KBTBD12: variants seen among roughly 807,000 people sequenced by gnomAD.
KBTBD12 encodes the protein kelch repeat and BTB domain containing 12, also known as kelch repeat and BTB domain-containing protein 12.
In KBTBD12, 53 loss-of-function variants were observed where a neutral mutation model predicts 58.7. The observed-to-expected ratio is 0.90, with a 90% CI of 0.72 to 1.14. The LOEUF is 1.14. KBTBD12 is among the 50% of genes most tolerant of loss of function. The pLI, the probability that KBTBD12 is intolerant of heterozygous loss-of-function variation, is 0.00. For synonymous variants in KBTBD12, 236 were observed against 259.8 expected, an observed-to-expected ratio of 0.91 and a Z score of 0.88; for missense variants, 704 against 751.3, an observed-to-expected ratio of 0.94 and a Z score of 0.74.
intron 4 of KBTBD12, among the ~76,000 whole-genome samples, chr3:127,960,264 A>G (rs1484977035): frequency 6.6e-6 from 1 of 152,140 alleles, no homozygotes; most frequent in Non-Finnish European, 1.5e-5. Context: ...CACACACAAG[A>G]AGGAGGGAGT....
In KBTBD12 at chr3:127,987,164, T is replaced by A. The variant is rs968917762; in HGVS notation, c.*2886T>A. ...CAAGGGCAGGATTTCTCAAACTTCT[T>A]CTGAGGAATCCCCGAGGTCGAAACC... On this transcript the variant is annotated 3_prime_UTR_variant, in exon 6 of 6. Transcript: ENST00000405109. 3.9e-5 allele frequency: 6 copies of A among 152,232 alleles called. No homozygotes were observed. Among genetic ancestry groups the A allele is most frequent in the African/African-American group, 1.4e-4 (6 of 41,468 alleles). The allele number at this position is 152,232 out of a possible 1,614,324, so 9.4% of individuals were successfully genotyped here. A position where few individuals can be genotyped will look rare whatever the true frequency, so the allele number is the denominator to read the frequency against.
intron 4 of KBTBD12, among the ~76,000 whole-genome samples, chr3:127,932,066 T>C (rs1422540424): frequency 6.6e-6 from 1 of 152,052 alleles, no homozygotes; most frequent in Non-Finnish European, 1.5e-5. Context: ...GATAAGCATA[T>C]AAAGAACACA....
intron 1 of KBTBD12, among the ~76,000 whole-genome samples, chr3:127,919,434 T>C (rs535116280): frequency 1.4e-4 from 22 of 152,328 alleles, no homozygotes; most frequent in African/African-American, 4.6e-4. Context: ...TTCACCATGT[T>C]GGTCAGGCTG....
chr3:127,934,962 C>T (rs1939794695), intron 4 of KBTBD12, among the ~76,000 whole-genome samples: 1 of 152,030 alleles, frequency 6.6e-6, no homozygotes, highest in Admixed American at 6.6e-5. Flanking sequence ...AACCTGTGTC[C>T]ACAGGAAGAA....
chr3:127,979,784 A>G (rs187856357), intron 5 of KBTBD12, among the ~76,000 whole-genome samples: 2 of 152,360 alleles, frequency 1.3e-5, no homozygotes, highest in East Asian at 1.9e-4. Flanking sequence ...TGCCAAGCAA[A>G]CAAAATGTAA....
chr3:127,945,148 T>A (rs1416310897), intron 4 of KBTBD12, among the ~76,000 whole-genome samples: 24 of 145,182 alleles, frequency 1.7e-4, no homozygotes, highest in African/African-American at 5.0e-4. Context: ...GTGTTTTTTT[T>A]AAAAATAGTA....
At chr3:127,942,070 G>A (rs1939961680) in intron 4 of KBTBD12, among the ~76,000 whole-genome samples, 1 of 152,100 alleles carries the variant, frequency 6.6e-6, no homozygotes. Context: ...CAAATGACAT[G>A]ATCATCTATG....
rs1940983893 is a variant in KBTBD12, at chr3:127,987,077, C to T, written c.*2799C>T. On this transcript the variant is annotated 3_prime_UTR_variant, in exon 6 of 6. Coordinates refer to ENST00000405109, the MANE Select transcript of KBTBD12 (RefSeq NM_207335.4). ...AGGGAGGACCGAGAAGGGGCATGAC[C>T]TCTGCTGGAGCCAGGAGGGCAGTGA... 6 of 152,350 alleles carry T rather than the reference C, an allele frequency of 3.9e-5. No individual in the cohort carries two copies. Among genetic ancestry groups the T allele is most frequent in the Admixed American group, 3.9e-4 (6 of 15,280 alleles). 9.4% of individuals were successfully genotyped at this position (152,350 alleles called of 1,614,324 possible). A position where few individuals can be genotyped will look rare whatever the true frequency, so the allele number is the denominator to read the frequency against.
intron 4 of KBTBD12, among the ~76,000 whole-genome samples, chr3:127,960,410 A>G (rs960351725): frequency 3.3e-5 from 5 of 152,246 alleles, no homozygotes; most frequent in African/African-American, 1.2e-4. Flanking sequence ...CCATTTGGAT[A>G]TGACCTGCAA....
At chr3:127,928,244 G>C (rs1939623476) in intron 3 of KBTBD12, 1 of 548,936 alleles carries the variant, frequency 1.8e-6, no homozygotes, top group Non-Finnish European at 3.3e-6. Flanking sequence ...GACATGACTT[G>C]ATTCAGTTTT....
chr3:127,934,863 A>T (rs1370857726), intron 4 of KBTBD12, among the ~76,000 whole-genome samples: 3 of 152,180 alleles, frequency 2.0e-5, no homozygotes, highest in Non-Finnish European at 4.4e-5. Flanking sequence ...ATGACTAAAG[A>T]TGGAGATAAT....
intron 5 of KBTBD12, among the ~76,000 whole-genome samples, chr3:127,970,181 T>C (rs1940656206): frequency 6.6e-6 from 1 of 152,126 alleles, no homozygotes; most frequent in Non-Finnish European, 1.5e-5. Flanking sequence ...GATCTAGTGC[T>C]CAACATCATT....
chr3:127,922,847 G>A (rs538402356), intron 1 of KBTBD12, 103 bp from the exon 2 acceptor site: 5 of 431,444 alleles, frequency 1.2e-5, no homozygotes, highest in Admixed American at 7.7e-5. Flanking sequence ...TGCTTGGAGT[G>A]AATAATATCT....
intron 4 of KBTBD12, among the ~76,000 whole-genome samples, chr3:127,933,888 A>T (rs528810598): frequency 6.6e-6 from 1 of 152,328 alleles, no homozygotes; most frequent in South Asian, 2.1e-4. Context: ...GTTTAGGTAA[A>T]TTAGTTAAAA....
At chr3:127,979,841 T>A (rs182612145) in intron 5 of KBTBD12, among the ~76,000 whole-genome samples, 38 of 152,280 alleles carry the variant, frequency 2.5e-4, no homozygotes, top group Admixed American at 4.6e-4. Flanking sequence ...TAACCATAAA[T>A]TAGGGCAAAG....
At chr3:127,961,177 CAACTCCTATGGTT>C (rs1940431944) in intron 4 of KBTBD12, among the ~76,000 whole-genome samples, 1 of 152,186 alleles carries the variant, frequency 6.6e-6, no homozygotes, top group Admixed American at 6.5e-5. Context: ...TTGCTTGTTT[CAACTCCTATGGTT>C]AAATCCTCCT....
chr3:127,977,631 T>C (rs1940804646), intron 5 of KBTBD12, among the ~76,000 whole-genome samples: 1 of 152,278 alleles, frequency 6.6e-6, no homozygotes, highest in South Asian at 2.1e-4. Context: ...ATGTCTTCTT[T>C]TGAAAAGTGT....
chr3:127,969,013 C>T (rs947988949), intron 5 of KBTBD12, among the ~76,000 whole-genome samples: 7 of 152,116 alleles, frequency 4.6e-5, no homozygotes, highest in East Asian at 1.9e-4. Flanking sequence ...AAAGGTTTCC[C>T]CCTAAAATCA....
Position 127,984,362 on chromosome 3 carries a change from G to T in KBTBD12, c.*84G>T. The T allele has an allele frequency of 7.9e-7, 1 of 1,268,816 alleles. No individual in the cohort carries two copies. Among genetic ancestry groups the T allele is most frequent in the Non-Finnish European group, 1.1e-6 (1 of 895,350 alleles). 78.6% of individuals were successfully genotyped at this position (1,268,816 alleles called of 1,614,324 possible). ...GGCCCACAGCATCTCTGTCATGCCA[G>T]TCATGTGCACTGCATGCGTAGTGGC... is the stretch of plus-strand genomic sequence containing the variant. On this transcript the variant is annotated 3_prime_UTR_variant, in exon 6 of 6. Coordinates refer to ENST00000405109, the MANE Select transcript of KBTBD12 (RefSeq NM_207335.4).
Sources: gnomAD v4.1 joint callset for allele counts (sites outside exome capture counted in the v4.1 genomes callset) on GRCh38, gnomAD v4.1.1 for gene constraint, MANE v1.5 for transcripts, NCBI Gene and HGNC (gene_info 2026-07-23, HGNC 2026-07-21) for gene names.